Variants in CHST8 observed in about 807,000 individuals in gnomAD.
CHST8 encodes carbohydrate sulfotransferase 8.
CHST8 carries 10 observed loss-of-function variants against 15.0 expected under a neutral mutation model. The observed-to-expected ratio is 0.67, with a 90% CI of 0.41 to 1.13. The LOEUF (loss-of-function observed/expected upper bound fraction) is 1.13. Ranked by LOEUF, CHST8 falls within the 50% of genes most tolerant of loss-of-function variation. CHST8 has a pLI of 0.00. For synonymous variants in CHST8, 259 were observed against 256.6 expected, an observed-to-expected ratio of 1.01 and a Z score of -0.09; for missense variants, 634 against 608.2, an observed-to-expected ratio of 1.04 and a Z score of -0.45.
At chr19:33,732,702 T>A (rs558118367) in intron 3 of CHST8, among the ~76,000 whole-genome samples, 1 of 152,194 alleles carries the variant, frequency 6.6e-6, no homozygotes, top group South Asian at 2.1e-4. Flanking sequence ...AATCATTATT[T>A]GTTCACATGA....
intron 1 of CHST8, among the ~76,000 whole-genome samples, chr19:33,633,831 C>T (rs899655814): frequency 6.6e-6 from 1 of 151,126 alleles, no homozygotes. Context: ...CAAGATCTCA[C>T]TCTGTTGCCC....
intron 3 of CHST8, among the ~76,000 whole-genome samples, chr19:33,741,236 A>G (rs1974185230): frequency 6.6e-6 from 1 of 152,202 alleles, no homozygotes; most frequent in Non-Finnish European, 1.5e-5. Context: ...CCAGGCCCTG[A>G]CCAAGGACTG....
intron 1 of CHST8, among the ~76,000 whole-genome samples, chr19:33,642,364 CT>C (rs67556358): frequency 0.31 from 46,075 of 150,372 alleles, 7,434 homozygotes; most frequent in East Asian, 0.5. Context: ...CTTCATAAGT[CT>C]TTTTTTTTTC....
intron 1 of CHST8, among the ~76,000 whole-genome samples, chr19:33,651,595 CTTG>C (rs1972449532): frequency 2.6e-5 from 4 of 152,008 alleles, no homozygotes; most frequent in Admixed American, 1.3e-4. Flanking sequence ...CATCATATTG[CTTG>C]TTCAATAGCC....
At chr19:33,720,528 A>G (rs1973768812) in intron 3 of CHST8, among the ~76,000 whole-genome samples, 1 of 152,180 alleles carries the variant, frequency 6.6e-6, no homozygotes, top group Non-Finnish European at 1.5e-5. Context: ...CACACACGGA[A>G]TGCATGTAGC....
At chr19:33,635,749 G>C (rs1203503065) in intron 1 of CHST8, among the ~76,000 whole-genome samples, 1 of 152,186 alleles carries the variant, frequency 6.6e-6, no homozygotes, top group African/African-American at 2.4e-5. Context: ...GCGATGGTCA[G>C]GGTTCACTGG....
chr19:33,744,491 T>C (rs1974272123), intron 3 of CHST8: 1 of 152,180 alleles, frequency 6.6e-6, no homozygotes, highest in Admixed American at 6.5e-5. Context: ...AGGGTCCTGT[T>C]CCTTCTCAGC....
chr19:33,664,123 C>T (rs959282753), intron 1 of CHST8, among the ~76,000 whole-genome samples: 2 of 151,986 alleles, frequency 1.3e-5, no homozygotes, highest in South Asian at 2.1e-4. Flanking sequence ...TGGATTGGGG[C>T]GACTTTCAAA....
chr19:33,629,607 G>A lies in CHST8; in HGVS notation c.-164+7311G>A, dbSNP rs565096806. On this transcript the variant is annotated intron_variant, in intron 1 of 4. Coordinates refer to ENST00000650847, the MANE Select transcript of CHST8 (RefSeq NM_001127895.2). ...GGGGAGCAGGGAAGCAGGTCTGTGA[G>A]TCACCCCATTTCCCGTTGTGCCCAT... 6.6e-5 allele frequency among the ~76,000 whole-genome samples: 10 copies of A among 152,346 alleles called. No homozygotes were observed. In the South Asian group the frequency reaches 2.1e-3, roughly 32 times the overall value.
At chr19:33,743,544 GC>G (rs1274707677) in intron 3 of CHST8, among the ~76,000 whole-genome samples, 1 of 151,832 alleles carries the variant, frequency 6.6e-6, no homozygotes, top group Non-Finnish European at 1.5e-5. Context: ...CTCGTGATCT[GC>G]CCACCTCGGC....
chr19:33,703,014 C>T (rs529298917), intron 3 of CHST8, among the ~76,000 whole-genome samples: 1 of 152,334 alleles, frequency 6.6e-6, no homozygotes, highest in South Asian at 2.1e-4. Context: ...CCTCTGTTCC[C>T]ATTCACTGCC....
intron 3 of CHST8, among the ~76,000 whole-genome samples, chr19:33,722,110 TGAAG>T (rs1568342635): frequency 1.8e-5 from 2 of 108,162 alleles, no homozygotes; most frequent in African/African-American, 4.6e-5. Flanking sequence ...GATGGATGGA[TGAAG>T]GGATGGATGG....
chr19:33,717,132 A>G (rs1269999244), intron 3 of CHST8, among the ~76,000 whole-genome samples: 1 of 152,186 alleles, frequency 6.6e-6, no homozygotes, highest in African/African-American at 2.4e-5. Context: ...AATTCAGAAA[A>G]TAGTGCAAGT....
intron 1 of CHST8, among the ~76,000 whole-genome samples, chr19:33,664,281 T>G (rs140665447): frequency 0.1 from 15,145 of 151,882 alleles, 2,091 homozygotes; most frequent in African/African-American, 0.32. Flanking sequence ...TTTTTATTTA[T>G]TTATTTATTT....
chr19:33,629,763 G>A (rs1972099467), intron 1 of CHST8, among the ~76,000 whole-genome samples: 1 of 152,264 alleles, frequency 6.6e-6, no homozygotes, highest in African/African-American at 2.4e-5. Flanking sequence ...GGGGACAGGA[G>A]GGAAGAGAGC....
At chr19:33,719,967 C>A (rs1315764708) in intron 3 of CHST8, among the ~76,000 whole-genome samples, 2 of 152,130 alleles carry the variant, frequency 1.3e-5, no homozygotes, top group African/African-American at 4.8e-5. Context: ...AGGCCACACA[C>A]AAGGCCGTGG....
intron 3 of CHST8, among the ~76,000 whole-genome samples, chr19:33,766,890 C>T (rs1056302527): frequency 3.9e-5 from 6 of 152,320 alleles, no homozygotes; most frequent in East Asian, 1.9e-4. Context: ...CATGGAAACG[C>T]GGCCACACAA....
At chr19:33,674,000 C>T (rs1480305524) in intron 2 of CHST8, among the ~76,000 whole-genome samples, 1 of 152,216 alleles carries the variant, frequency 6.6e-6, no homozygotes, top group Non-Finnish European at 1.5e-5. Flanking sequence ...GTGATCTGCC[C>T]ATCTTGGCCT....
chr19:33,684,539 C>T (rs991426802), intron 2 of CHST8: 1 of 152,522 alleles, frequency 6.6e-6, no homozygotes, highest in Non-Finnish European at 1.5e-5. Context: ...GGACTCGTCC[C>T]AGAGTTTGCT....
Sources: allele counts gnomAD v4.1 joint callset (sites outside exome capture counted in the v4.1 genomes callset), GRCh38; gene constraint gnomAD v4.1.1; transcripts MANE v1.5; gene names NCBI Gene and HGNC (gene_info 2026-07-23, HGNC 2026-07-21).